Variants in PCCA observed in about 807,000 individuals in gnomAD.
PCCA encodes propionyl-CoA carboxylase alpha chain, mitochondrial.
In PCCA, 74 loss-of-function variants were observed where a neutral mutation model predicts 101.3. That is an observed-to-expected ratio of 0.73 (90% CI 0.61 to 0.89). PCCA has a LOEUF of 0.89. Among genes scored for constraint, PCCA ranks in the 40% least tolerant of loss-of-function variants. PCCA has a pLI of 0.00. For missense variants in PCCA, 891 were observed against 907.0 expected (o/e 0.98, Z 0.23); for synonymous variants, 294 against 313.6 (o/e 0.94, Z 0.66).
chr13:100,154,958 T>C (rs2053722811), intron 4 of PCCA, 21 bp from the exon 5 acceptor site: 1 of 1,534,820 alleles, frequency 6.5e-7, no homozygotes, highest in East Asian at 2.2e-5. Context: ...CATCTGTTAA[T>C]GCAGAAATTT....
chr13:100,361,459 T>A (rs9585414), intron 18 of PCCA, among the ~76,000 whole-genome samples: 6,947 of 150,776 alleles, frequency 0.046, 386 homozygotes, highest in African/African-American at 0.13. Flanking sequence ...TTTTTTTTTT[T>A]AAATCTGCTG....
chr13:100,455,938 G>A (rs929597270), intron 21 of PCCA, among the ~76,000 whole-genome samples: 1 of 152,132 alleles, frequency 6.6e-6, no homozygotes, highest in East Asian at 1.9e-4. Flanking sequence ...GACCTCAAAT[G>A]ATCCACCCAC....
In PCCA at chr13:100,112,395, A is replaced by C. The variant is rs554419451; in HGVS notation, c.300+334A>C. On this transcript the variant is annotated intron_variant, in intron 4 of 23. Transcript: ENST00000376285. ...CTCCCTTATGAGAGCACTTTCCCCC[A>C]GCATAGCTTCAGTATCACTAAGGGA... is the stretch of plus-strand genomic sequence containing the variant. 9.8e-5 allele frequency among the ~76,000 whole-genome samples: 15 copies of C among 152,306 alleles called. No homozygotes were observed. The South Asian group carries it at 2.1e-3, about 21-fold the overall frequency.
chr13:100,384,273 G>A (rs1444862790), intron 19 of PCCA, among the ~76,000 whole-genome samples: 10 of 152,108 alleles, frequency 6.6e-5, no homozygotes, highest in African/African-American at 1.7e-4. Context: ...TGATCTGCCC[G>A]CTTCAGCCTC....
chr13:100,497,383 C>T (rs1369932125), intron 21 of PCCA, among the ~76,000 whole-genome samples: 1 of 151,996 alleles, frequency 6.6e-6, no homozygotes, highest in African/African-American at 2.4e-5. Context: ...GAGAAGCCTA[C>T]TATTCTTTGG....
intron 19 of PCCA, among the ~76,000 whole-genome samples, chr13:100,391,797 T>G (rs2152841188): frequency 1.3e-5 from 2 of 149,616 alleles, no homozygotes; most frequent in East Asian, 4.0e-4. Context: ...TGAGAATTAA[T>G]AGAATACATA....
At position 100,215,932 on chromosome 13, in the gene PCCA, C is replaced by T. The variant is rs148578972; in HGVS notation, c.600+6469C>T. Reference sequence around the variant, plus strand: ...GGGATTGCAGGTGTGAGCCACTGTGCGCAGCCCTGCCGTATACTTTAAATC... The same window carrying T: ...GGGATTGCAGGTGTGAGCCACTGTGTGCAGCCCTGCCGTATACTTTAAATC... On this transcript the variant is annotated intron_variant, in intron 7 of 23. Coordinates refer to ENST00000376285, the MANE Select transcript of PCCA (RefSeq NM_000282.4). Among the ~76,000 whole-genome samples, 374 of 152,280 alleles carry T rather than the reference C, an allele frequency of 2.5e-3. 2 individuals are homozygous for T. Among genetic ancestry groups the T allele is most frequent in the Middle Eastern group, 0.01 (3 of 294 alleles).
intron 21 of PCCA, among the ~76,000 whole-genome samples, chr13:100,513,678 G>A (rs2086635253): frequency 6.6e-6 from 1 of 152,172 alleles, no homozygotes; most frequent in Non-Finnish European, 1.5e-5. Context: ...CATATTCTCA[G>A]CGAATGAAGA....
chr13:100,261,971 C>T (rs2062552931), intron 9 of PCCA, among the ~76,000 whole-genome samples: 1 of 152,110 alleles, frequency 6.6e-6, no homozygotes, highest in African/African-American at 2.4e-5. Flanking sequence ...AGACCCTTTA[C>T]ATTTTTCTTT....
intron 21 of PCCA, among the ~76,000 whole-genome samples, chr13:100,453,714 A>G (rs1235605212): frequency 1.3e-5 from 2 of 151,808 alleles, no homozygotes; most frequent in Non-Finnish European, 2.9e-5. Flanking sequence ...CTTCAATTTC[A>G]CTCCCTTTTA....
At position 100,440,101 on chromosome 13, in the gene PCCA, T is replaced by G. The variant is rs4772288; in HGVS notation, c.1846-9151T>G. On this transcript the variant is annotated intron_variant, in intron 20 of 23. Coordinates refer to ENST00000376285, the MANE Select transcript of PCCA (RefSeq NM_000282.4). Reference sequence around the variant, plus strand: ...TAGTGTCACATGAATCTCATGTTATTTACTGAAGAATACCAGATTAAATGG... The same window carrying G: ...TAGTGTCACATGAATCTCATGTTATGTACTGAAGAATACCAGATTAAATGG... Among the ~76,000 whole-genome samples the G allele has an allele frequency of 4.5e-3, 660 of 145,398 alleles. 24 individuals are homozygous for G. The highest frequency in any genetic ancestry group is 0.045 in the Admixed American group (633 of 14,014).
chr13:100,091,290 A>G (rs1484933075), intron 1 of PCCA, among the ~76,000 whole-genome samples: 1 of 152,192 alleles, frequency 6.6e-6, no homozygotes, highest in East Asian at 1.9e-4. Flanking sequence ...TACACTTGTT[A>G]TACACTTACT....
At chr13:100,119,440 C>T (rs1254655637) in intron 4 of PCCA, among the ~76,000 whole-genome samples, 3 of 152,154 alleles carry the variant, frequency 2.0e-5, no homozygotes, top group Admixed American at 1.3e-4. Context: ...GTTTCCATCA[C>T]ACCCTCCAGG....
intron 7 of PCCA, among the ~76,000 whole-genome samples, chr13:100,232,908 A>G (rs949486574): frequency 5.9e-5 from 9 of 152,234 alleles, no homozygotes; most frequent in African/African-American, 1.9e-4. Flanking sequence ...CTGGGCAGAT[A>G]GTTATTGAAT....
At chr13:100,285,753 T>C (rs1387543868) in intron 12 of PCCA, among the ~76,000 whole-genome samples, 1 of 152,200 alleles carries the variant, frequency 6.6e-6, no homozygotes, top group Non-Finnish European at 1.5e-5. Context: ...CAACAAATTA[T>C]AGTCCAGACT....
chr13:100,520,659 AG>A (rs1566503018), intron 22 of PCCA, among the ~76,000 whole-genome samples: 2 of 138,774 alleles, frequency 1.4e-5, no homozygotes, highest in Non-Finnish European at 3.1e-5. Context: ...AAAAAAAAAG[AG>A]TTGGTTTTTG....
At chr13:100,478,514 TCCCCTC>T (rs1039237581) in intron 21 of PCCA, among the ~76,000 whole-genome samples, 4 of 152,158 alleles carry the variant, frequency 2.6e-5, no homozygotes, top group Non-Finnish European at 4.4e-5. Flanking sequence ...AAGACCTGTG[TCCCCTC>T]CCCCAGCACA....
chr13:100,505,232 T>A (rs1262007824), intron 21 of PCCA, among the ~76,000 whole-genome samples: 1 of 152,242 alleles, frequency 6.6e-6, no homozygotes, highest in Non-Finnish European at 1.5e-5. Flanking sequence ...CTGGCCAGAT[T>A]ATGGTATTTA....
intron 19 of PCCA, among the ~76,000 whole-genome samples, chr13:100,404,078 G>A (rs181073960): frequency 6.6e-5 from 10 of 152,292 alleles, no homozygotes; most frequent in East Asian, 1.9e-4. Context: ...AAGCGTTCCC[G>A]GCAGAAGGGG....
Sources: allele counts gnomAD v4.1 joint callset (sites outside exome capture counted in the v4.1 genomes callset), GRCh38; gene constraint gnomAD v4.1.1; transcripts MANE v1.5; gene names NCBI Gene and HGNC (gene_info 2026-07-23, HGNC 2026-07-21).